Variants in SRPK2 observed in about 807,000 individuals in gnomAD.
SRPK2 encodes the protein SRSF protein kinase 2, also known as SFRS protein kinase 2.
SRPK2 carries 21 observed loss-of-function variants against 90.8 expected under a neutral mutation model. The ratio of observed to expected loss-of-function variants is 0.23; its 90% CI spans 0.16 to 0.33. The LOEUF (loss-of-function observed/expected upper bound fraction) is 0.33, where lower values mean the gene tolerates loss of function less well. Among genes scored for constraint, SRPK2 ranks in the 10% least tolerant of loss-of-function variants. SRPK2 has a pLI of 1.00. For synonymous variants in SRPK2, 288 were observed against 311.1 expected, an observed-to-expected ratio of 0.93 and a Z score of 0.78; for missense variants, 620 against 869.0, an observed-to-expected ratio of 0.71 and a Z score of 3.60.
Position 105,316,357 on chromosome 7 carries a change from G to A in SRPK2, c.71+72291C>T, listed in dbSNP as rs141562783. Among the ~76,000 whole-genome samples the A allele has an allele frequency of 7.2e-5, 11 of 152,074 alleles. No homozygotes were observed. In the South Asian group the frequency reaches 1.9e-3, roughly 26 times the overall value. On this transcript the variant is annotated intron_variant, in intron 2 of 15. Transcript: ENST00000393651. ...AGGCCTAGGAAATAGCATTAACTTCGGTAGTATATTCACCACTCAATCAAG... is the reference window on the plus strand; with the variant it reads ...AGGCCTAGGAAATAGCATTAACTTCAGTAGTATATTCACCACTCAATCAAG...
At chr7:105,218,134 C>T (rs1797685058) in intron 2 of SRPK2, among the ~76,000 whole-genome samples, 1 of 152,014 alleles carries the variant, frequency 6.6e-6, no homozygotes, top group Admixed American at 6.5e-5. Context: ...CCACTTCTGC[C>T]GGCACACAAG....
rs1456692220 is a variant in SRPK2 at position 105,209,881 on chromosome 7, A to G, written c.72-6096T>C. ...TTTTTACACTACAAAGAAAATTCTA[A>G]TCATTACTCTAAATTTAAAATGTGG... On this transcript the variant is annotated intron_variant, in intron 2 of 15. Coordinates refer to ENST00000393651, the MANE Select transcript of SRPK2 (RefSeq NM_182692.3). Among the ~76,000 whole-genome samples the G allele has an allele frequency of 3.9e-5, 6 of 152,304 alleles. 1 individual carries two copies. Among genetic ancestry groups the G allele is most frequent in the African/African-American group, 1.4e-4 (6 of 41,572 alleles).
At chr7:105,305,861 C>T (rs888957627) in intron 2 of SRPK2, among the ~76,000 whole-genome samples, 1 of 152,146 alleles carries the variant, frequency 6.6e-6, no homozygotes, top group Non-Finnish European at 1.5e-5. Context: ...GGGGAAAAGG[C>T]TAGACTGAGG....
intron 2 of SRPK2, among the ~76,000 whole-genome samples, chr7:105,248,786 C>T (rs920836524): frequency 6.6e-6 from 1 of 150,738 alleles, no homozygotes. Flanking sequence ...CTAAAAAATA[C>T]AAAAAAAAAT....
chr7:105,373,355 C>G (rs902329494), intron 2 of SRPK2, among the ~76,000 whole-genome samples: 1 of 149,052 alleles, frequency 6.7e-6, no homozygotes, highest in Non-Finnish European at 1.5e-5. Flanking sequence ...TATCCTTTAA[C>G]TTTCCTTCCT....
chr7:105,339,268 G>A (rs752815782), intron 2 of SRPK2, among the ~76,000 whole-genome samples: 2 of 152,134 alleles, frequency 1.3e-5, no homozygotes. Flanking sequence ...ATTTTGAATA[G>A]AGGTACAAAA....
At chr7:105,124,518 G>A (rs1800854415) in intron 15 of SRPK2, among the ~76,000 whole-genome samples, 1 of 151,700 alleles carries the variant, frequency 6.6e-6, no homozygotes, top group Admixed American at 6.6e-5. Flanking sequence ...GCAGGTGCCT[G>A]TAATCCCGGC....
upstream of SRPK2, among the ~76,000 whole-genome samples, chr7:105,389,585 G>T (rs1205973831): frequency 1.3e-5 from 2 of 152,170 alleles, no homozygotes; most frequent in African/African-American, 4.8e-5. Context: ...ACTCGCTTCC[G>T]TAAACACCAG....
intron 15 of SRPK2, among the ~76,000 whole-genome samples, chr7:105,125,350 C>T (rs1054470546): frequency 2.0e-5 from 3 of 152,156 alleles, no homozygotes; most frequent in East Asian, 1.9e-4. Flanking sequence ...ATGTGAGGTA[C>T]GCAGCATTTC....
intron 11 of SRPK2, among the ~76,000 whole-genome samples, chr7:105,137,329 C>A (rs1457624937): frequency 1.3e-5 from 2 of 152,138 alleles, no homozygotes; most frequent in Non-Finnish European, 2.9e-5. Context: ...CAACTCAGGG[C>A]ATCACTACTC....
intron 2 of SRPK2, among the ~76,000 whole-genome samples, chr7:105,363,974 AGCCG>A: frequency 1.3e-5 from 2 of 149,602 alleles, no homozygotes; most frequent in South Asian, 4.2e-4. Context: ...CGTAGGTGGG[AGCCG>A]GACAATGAGA....
intron 2 of SRPK2, among the ~76,000 whole-genome samples, chr7:105,208,029 A>C (rs561316969): frequency 1.7e-4 from 26 of 152,260 alleles, no homozygotes; most frequent in Non-Finnish European, 3.1e-4. Context: ...CACATGACCA[A>C]TAAATATATG....
chr7:105,257,691 A>AT (rs35424206), intron 2 of SRPK2, among the ~76,000 whole-genome samples: 1,703 of 148,014 alleles, frequency 0.012, 18 homozygotes, highest in South Asian at 0.068. Context: ...TTTAACAGTC[A>AT]TTTTTTTTTT....
At chr7:105,220,778 AC>A (rs1217112378) in intron 2 of SRPK2, among the ~76,000 whole-genome samples, 1 of 151,572 alleles carries the variant, frequency 6.6e-6, no homozygotes, top group Non-Finnish European at 1.5e-5. Flanking sequence ...AGACATCCAG[AC>A]CCCCAGCCCT....
chr7:105,143,544 C>G (rs1804109371), intron 9 of SRPK2: 3 of 603,596 alleles, frequency 5.0e-6, no homozygotes, highest in African/African-American at 1.9e-5. Flanking sequence ...GGTCTACTAC[C>G]AGGTCCTGCC....
chr7:105,377,433 C>T (rs1820433999), intron 2 of SRPK2, among the ~76,000 whole-genome samples: 2 of 151,704 alleles, frequency 1.3e-5, no homozygotes, highest in African/African-American at 2.4e-5. Flanking sequence ...TGGCTCATGC[C>T]TATAATCCCA....
chr7:105,378,354 A>C (rs188892429), intron 2 of SRPK2, among the ~76,000 whole-genome samples: 101 of 152,292 alleles, frequency 6.6e-4, no homozygotes, highest in African/African-American at 2.4e-3. Context: ...AAAATCTACA[A>C]ATTTTTATAA....
At chr7:105,256,538 G>T (rs1006218567) in intron 2 of SRPK2, among the ~76,000 whole-genome samples, 1 of 152,096 alleles carries the variant, frequency 6.6e-6, no homozygotes, top group Non-Finnish European at 1.5e-5. Context: ...AAATTATTTT[G>T]TAGAGACGGG....
At position 105,134,553 on chromosome 7, in the gene SRPK2, C is replaced by G. The variant is rs1277203009; in HGVS notation, c.1544-1449G>C. On this transcript the variant is annotated intron_variant, in intron 11 of 15. Coordinates refer to ENST00000393651, the MANE Select transcript of SRPK2 (RefSeq NM_182692.3). ...AATATAAACACCTACCTAGGAGAGC[C>G]CCTTTGTTTCCTTGAAGCTGGGCAC... Among the ~76,000 whole-genome samples the G allele has an allele frequency of 2.6e-5, 4 of 152,354 alleles. No individual in the cohort carries two copies. In the East Asian group the frequency reaches 7.7e-4, roughly 29 times the overall value.
Sources: allele counts gnomAD v4.1 joint callset (sites outside exome capture counted in the v4.1 genomes callset), GRCh38; gene constraint gnomAD v4.1.1; transcripts MANE v1.5; gene names NCBI Gene and HGNC (gene_info 2026-07-23, HGNC 2026-07-21).